RICTOR: variants seen among roughly 807,000 people sequenced by gnomAD.
RICTOR encodes rapamycin-insensitive companion of mTOR.
A neutral mutation model predicts 214.9 loss-of-function variants in RICTOR; 49 were observed. That is an observed-to-expected ratio of 0.23 (90% CI 0.18 to 0.29). The LOEUF (loss-of-function observed/expected upper bound fraction) is 0.29, where lower values mean the gene tolerates loss of function less well. Among genes scored for constraint, RICTOR ranks in the 10% least tolerant of loss-of-function variants. The probability of loss-of-function intolerance (pLI) is 1.00; values close to 1 mark genes in which losing one functional copy is unlikely to be tolerated. For missense variants in RICTOR, 1,625 were observed against 2,047.0 expected (o/e 0.79, Z 3.98); for synonymous variants, 717 against 711.3 (o/e 1.01, Z -0.13).
chr5:39,059,605 A>G (rs867715398), intron 2 of RICTOR, among the ~76,000 whole-genome samples: 10 of 152,086 alleles, frequency 6.6e-5, no homozygotes, highest in African/African-American at 2.4e-5. Flanking sequence ...CTACAAATCT[A>G]ATACTAAAAT....
intron 2 of RICTOR, among the ~76,000 whole-genome samples, chr5:39,072,356 T>G (rs967342123): frequency 2.0e-5 from 3 of 152,164 alleles, no homozygotes; most frequent in Non-Finnish European, 4.4e-5. Flanking sequence ...AAATCAGATG[T>G]GTACCTAAGC....
intron 7 of RICTOR, among the ~76,000 whole-genome samples, chr5:38,989,168 T>C (rs1271150867): frequency 2.0e-5 from 3 of 152,140 alleles, no homozygotes; most frequent in Non-Finnish European, 2.9e-5. Flanking sequence ...AACAGATACA[T>C]AGGCCAATAG....
At chr5:38,994,158 C>A (rs887225796) in intron 6 of RICTOR, among the ~76,000 whole-genome samples, 1 of 151,726 alleles carries the variant, frequency 6.6e-6, no homozygotes, top group Non-Finnish European at 1.5e-5. Context: ...CCACTGCACT[C>A]CAGCCTGGGT....
At chr5:38,949,433 A>G in intron 31 of RICTOR, 1 of 1,583,848 alleles carries the variant, frequency 6.3e-7, no homozygotes, top group South Asian at 1.1e-5. Flanking sequence ...CGATCCTTGC[A>G]GAAGCGAGAA....
chr5:38,964,549 A>G (rs1428696627), intron 16 of RICTOR, among the ~76,000 whole-genome samples: 2 of 151,910 alleles, frequency 1.3e-5, no homozygotes, highest in East Asian at 3.8e-4. Context: ...TATGATAACC[A>G]TTCTATGTCC....
At chr5:39,066,853 G>A (rs898728652) in intron 2 of RICTOR, among the ~76,000 whole-genome samples, 1 of 152,206 alleles carries the variant, frequency 6.6e-6, no homozygotes, top group Non-Finnish European at 1.5e-5. Context: ...TTCCTACTAA[G>A]TTCTTCATTT....
chr5:39,000,268 T>C (rs1409027507), intron 5 of RICTOR, among the ~76,000 whole-genome samples: 3 of 151,970 alleles, frequency 2.0e-5, no homozygotes, highest in African/African-American at 7.2e-5. Flanking sequence ...ACATATATTT[T>C]CCAGGTAATA....
At chr5:39,005,856 G>T (rs1482714006) in intron 3 of RICTOR, among the ~76,000 whole-genome samples, 4 of 152,188 alleles carry the variant, frequency 2.6e-5, no homozygotes, top group Admixed American at 6.5e-5. Context: ...CCTGCCACCT[G>T]AAGTTTCAAC....
Position 39,040,984 on chromosome 5 carries a change from G to A in RICTOR, c.98-19848C>T, listed in dbSNP as rs546855075. Among the ~76,000 whole-genome samples the A allele has an allele frequency of 6.6e-5, 10 of 152,300 alleles. No homozygotes were observed. The East Asian group carries it at 1.9e-3, about 29-fold the overall frequency. On this transcript the variant is annotated intron_variant, in intron 2 of 37. Coordinates refer to ENST00000357387, the MANE Select transcript of RICTOR (RefSeq NM_152756.5). ...ATCATGCAAATAAAATAAAAGGAGA[G>A]TGATTGATAGAGATTTCACTAGAGT...
At chr5:38,997,962 C>T (rs1753300601) in intron 5 of RICTOR, among the ~76,000 whole-genome samples, 1 of 152,186 alleles carries the variant, frequency 6.6e-6, no homozygotes, top group Admixed American at 6.5e-5. Flanking sequence ...AGACACTTGT[C>T]AACATCCACA....
chr5:39,052,903 C>G (rs534826585), intron 2 of RICTOR, among the ~76,000 whole-genome samples: 1 of 152,320 alleles, frequency 6.6e-6, no homozygotes, highest in Non-Finnish European at 1.5e-5. Context: ...TGAACCCAAA[C>G]AGCCATTCTC....
At chr5:38,994,708 A>AAAC (rs1753050962) in intron 6 of RICTOR, among the ~76,000 whole-genome samples, 1 of 129,624 alleles carries the variant, frequency 7.7e-6, no homozygotes, top group African/African-American at 2.9e-5. Context: ...TATTTTTGTT[A>AAAC]TGCTATTATT....
intron 24 of RICTOR, 28 bp downstream of exon 24, chr5:38,958,415 C>A: frequency 6.8e-7 from 1 of 1,464,378 alleles, no homozygotes; most frequent in Non-Finnish European, 9.6e-7. Flanking sequence ...AACAAAAAAA[C>A]ATAACAGAAA....
Position 38,960,449 on chromosome 5 carries a change from C to T in RICTOR, c.1800G>A (p.Gln600=). Residue 600 remains glutamine (Q), a synonymous_variant, in exon 20 of 38, where the codon CAG becomes CAA. Transcript: ENST00000357387. ...NLDLDFAKAK[Q]LTVVGCQFTE... ...TAAACTGGCAACCTACAACCGTGAG[C>T]TGTTTGGCCTTGGCAAAATCCAGAT... 6.2e-7 allele frequency: 1 copy of T among 1,613,882 alleles called. No homozygotes were observed. Among genetic ancestry groups the T allele is most frequent in the African/African-American group, 1.3e-5 (1 of 75,006 alleles).
chr5:39,055,670 G>T (rs753104425), intron 2 of RICTOR, among the ~76,000 whole-genome samples: 1 of 152,082 alleles, frequency 6.6e-6, no homozygotes, highest in Non-Finnish European at 1.5e-5. Context: ...TATGCCAATT[G>T]TAAGAAAGGT....
intron 32 of RICTOR, among the ~76,000 whole-genome samples, 199 bp from the exon 33 acceptor site, chr5:38,946,751 G>A (rs910575304): frequency 6.6e-6 from 1 of 152,056 alleles, no homozygotes; most frequent in African/African-American, 2.4e-5. Flanking sequence ...GTGACTAAAT[G>A]GACATTAATT....
chr5:39,071,900 C>T (rs985243363), intron 2 of RICTOR, among the ~76,000 whole-genome samples: 6 of 152,190 alleles, frequency 3.9e-5, no homozygotes, highest in Non-Finnish European at 7.4e-5. Flanking sequence ...GTAATCTAAT[C>T]CACAAACAGC....
At chr5:39,074,006 C>G in intron 2 of RICTOR, 105 bp downstream of exon 2, 1 of 752,258 alleles carries the variant, frequency 1.3e-6, no homozygotes, top group Non-Finnish European at 1.8e-6. Flanking sequence ...GCCCCCGCAC[C>G]CCGCCGGTCC....
intron 3 of RICTOR, among the ~76,000 whole-genome samples, chr5:39,020,545 T>A (rs1231543811): frequency 1.3e-5 from 2 of 152,208 alleles, no homozygotes; most frequent in Non-Finnish European, 2.9e-5. Flanking sequence ...ACGCATTTTT[T>A]AAAAACATAA....
Sources: gnomAD v4.1 joint callset for allele counts (sites outside exome capture counted in the v4.1 genomes callset) on GRCh38, gnomAD v4.1.1 for gene constraint, MANE v1.5 for transcripts, NCBI Gene and HGNC (gene_info 2026-07-23, HGNC 2026-07-21) for gene names.